The following SUGCT variants were observed in gnomAD, a reference collection of about 807,000 sequenced individuals.
SUGCT encodes the protein succinyl-CoA:glutarate-CoA transferase.
A neutral mutation model predicts 55.0 loss-of-function variants in SUGCT; 41 were observed. The ratio of observed to expected loss-of-function variants is 0.74; its 90% CI spans 0.58 to 0.97. The LOEUF (loss-of-function observed/expected upper bound fraction) is 0.97. Among genes scored for constraint, SUGCT ranks in the 50% least tolerant of loss-of-function variants. SUGCT has a pLI of 0.00. For missense variants in SUGCT, 568 were observed against 547.8 expected, an observed-to-expected ratio of 1.04 and a Z score of -0.37; for synonymous variants, 187 against 200.4, an observed-to-expected ratio of 0.93 and a Z score of 0.56.
chr7:40,527,746 T>A (rs1043786591), intron 12 of SUGCT, among the ~76,000 whole-genome samples: 3 of 152,184 alleles, frequency 2.0e-5, no homozygotes, highest in Admixed American at 1.3e-4. Flanking sequence ...CCCTGTAATT[T>A]TTTCATTAGA....
chr7:40,288,587 T>G (rs948111210), intron 8 of SUGCT, among the ~76,000 whole-genome samples: 1 of 152,158 alleles, frequency 6.6e-6, no homozygotes, highest in African/African-American at 2.4e-5. Context: ...GTGTTCTTGT[T>G]GCTTTTATGG....
At chr7:40,438,338 C>T (rs950565136) in intron 9 of SUGCT, among the ~76,000 whole-genome samples, 2 of 152,102 alleles carry the variant, frequency 1.3e-5, no homozygotes, top group Non-Finnish European at 2.9e-5. Flanking sequence ...TTTGTGTCTC[C>T]TAGTTTGATC....
chr7:40,958,225 A>C, the SUGCT span, among the ~76,000 whole-genome samples: 1 of 151,808 alleles, frequency 6.6e-6, no homozygotes, highest in African/African-American at 2.4e-5. Flanking sequence ...TATGTTGGGG[A>C]GGTTCTCCTG....
chr7:40,203,532 T>G (rs1447214160), intron 6 of SUGCT, among the ~76,000 whole-genome samples: 1 of 152,172 alleles, frequency 6.6e-6, no homozygotes, highest in Non-Finnish European at 1.5e-5. Flanking sequence ...CCCAGCACTT[T>G]GGGAGGCCGA....
intron 12 of SUGCT, among the ~76,000 whole-genome samples, chr7:40,659,664 G>A (rs574919476): frequency 6.6e-6 from 1 of 152,254 alleles, no homozygotes; most frequent in South Asian, 2.1e-4. Flanking sequence ...TGGGCCTTCA[G>A]GTTTCTGAAA....
intron 13 of SUGCT, among the ~76,000 whole-genome samples, chr7:40,847,254 T>TACTG (rs10676694): frequency 6.6e-6 from 1 of 151,354 alleles, no homozygotes; most frequent in Admixed American, 6.6e-5. Flanking sequence ...ATGTATTTCT[T>TACTG]ACACTACCTG....
intron 9 of SUGCT, among the ~76,000 whole-genome samples, chr7:40,353,037 G>C (rs549141419): frequency 1.8e-4 from 27 of 152,196 alleles, no homozygotes; most frequent in African/African-American, 6.5e-4. Flanking sequence ...GTGATGTTTA[G>C]CACTTTTTCA....
chr7:40,140,146 C>T (rs1243024454), intron 1 of SUGCT, among the ~76,000 whole-genome samples: 2 of 152,042 alleles, frequency 1.3e-5, no homozygotes, highest in East Asian at 1.9e-4. Context: ...TCAGTTGATC[C>T]GCCCGCCTAG....
intron 9 of SUGCT, among the ~76,000 whole-genome samples, chr7:40,413,575 G>A (rs538514890): frequency 2.0e-5 from 3 of 152,260 alleles, no homozygotes; most frequent in African/African-American, 7.2e-5. Context: ...ATTACTGATA[G>A]GTTTAACTAT....
intron 6 of SUGCT, among the ~76,000 whole-genome samples, chr7:40,202,312 AAT>A (rs1055625246): frequency 6.6e-6 from 1 of 152,142 alleles, no homozygotes; most frequent in Non-Finnish European, 1.5e-5. Context: ...AGTCCAGTCT[AAT>A]ATCAAAACCT....
At chr7:40,521,696 A>G (rs531916700) in intron 12 of SUGCT, among the ~76,000 whole-genome samples, 61 of 152,156 alleles carry the variant, frequency 4.0e-4, no homozygotes, top group Middle Eastern at 6.8e-3. Flanking sequence ...CTTTTCATGT[A>G]GTACTAGGTA....
the SUGCT span, among the ~76,000 whole-genome samples, chr7:40,934,583 G>A: frequency 2.6e-5 from 4 of 152,228 alleles, no homozygotes; most frequent in Non-Finnish European, 4.4e-5. Context: ...TTGCTGAACT[G>A]TGGAGGGCTC....
At chr7:40,539,957 G>A (rs1328289870) in intron 12 of SUGCT, among the ~76,000 whole-genome samples, 1 of 152,144 alleles carries the variant, frequency 6.6e-6, no homozygotes, top group Non-Finnish European at 1.5e-5. Flanking sequence ...TATCTGGGGA[G>A]TAGATAACAT....
At chr7:40,953,652 G>T in the SUGCT span, among the ~76,000 whole-genome samples, 2 of 150,682 alleles carry the variant, frequency 1.3e-5, no homozygotes, top group Non-Finnish European at 3.0e-5. Flanking sequence ...CTTTCTGTTT[G>T]TTAGTTTTCC....
intron 13 of SUGCT, among the ~76,000 whole-genome samples, chr7:40,811,497 T>C (rs1791412788): frequency 6.6e-6 from 1 of 152,116 alleles, no homozygotes; most frequent in South Asian, 2.1e-4. Context: ...TGGTTAGATG[T>C]AGTCTTGGGT....
the SUGCT span, among the ~76,000 whole-genome samples, chr7:40,994,919 T>G: frequency 6.6e-6 from 1 of 152,132 alleles, no homozygotes; most frequent in South Asian, 2.1e-4. Context: ...GATAGTAAGC[T>G]CCTTGAGGCC....
At chr7:40,926,983 A>G in the SUGCT span, among the ~76,000 whole-genome samples, 1 of 152,210 alleles carries the variant, frequency 6.6e-6, no homozygotes, top group Non-Finnish European at 1.5e-5. Context: ...TGTTCCTGCT[A>G]TCTCTGACAG....
intron 9 of SUGCT, among the ~76,000 whole-genome samples, chr7:40,411,604 A>G (rs1449196013): frequency 6.6e-6 from 1 of 152,202 alleles, no homozygotes; most frequent in Non-Finnish European, 1.5e-5. Context: ...GGTGGTTGCC[A>G]GAGGCCAGGA....
intron 12 of SUGCT, chr7:40,539,390 A>T (rs993347408): frequency 1.3e-5 from 2 of 152,212 alleles, no homozygotes; most frequent in African/African-American, 4.8e-5. Context: ...GGTAGGAATA[A>T]AAAAATGTAT....
Sources: allele counts gnomAD v4.1 joint callset (sites outside exome capture counted in the v4.1 genomes callset), GRCh38; gene constraint gnomAD v4.1.1; transcripts MANE v1.5; gene names NCBI Gene and HGNC (gene_info 2026-07-23, HGNC 2026-07-21).